Variants in RMI2 observed in about 807,000 individuals in gnomAD.
The protein encoded by RMI2 is RecQ mediated genome instability 2, also known as recQ-mediated genome instability protein 2.
A neutral mutation model predicts 8.4 loss-of-function variants in RMI2; 11 were observed. The ratio of observed to expected loss-of-function variants is 1.32; its 90% CI spans 0.83 to 2.18. RMI2 has a LOEUF of 2.18. Among genes scored for constraint, RMI2 ranks in the 30% most tolerant of loss-of-function variants. RMI2 has a pLI of 0.00. For synonymous variants in RMI2, 105 were observed against 93.8 expected, an observed-to-expected ratio of 1.12 and a Z score of -0.69; for missense variants, 253 against 207.5, an observed-to-expected ratio of 1.22 and a Z score of -1.35.
chr16:11,350,449 G>T (rs1268288764), intron 1 of RMI2, among the ~76,000 whole-genome samples, 193 bp from the exon 2 acceptor site: 1 of 152,126 alleles, frequency 6.6e-6, no homozygotes, highest in Non-Finnish European at 1.5e-5. Flanking sequence ...AATTAGCCAG[G>T]CATAGTGGCA....
chr16:11,351,119 A>G lies in RMI2; in HGVS notation c.*329A>G. ...CATGTTGCATTTTCCAAATTTTATG[A>G]GTGATGATACTTTTTCCATTACTGC... On this transcript the variant is annotated 3_prime_UTR_variant, in exon 2 of 2. Transcript: ENST00000312499. 1 of 257,722 alleles carries G rather than the reference A, an allele frequency of 3.9e-6. No individual in the cohort carries two copies. Among genetic ancestry groups the G allele is most frequent in the Non-Finnish European group, 7.5e-6 (1 of 134,122 alleles). 16.0% of individuals were successfully genotyped at this position (257,722 alleles called of 1,614,324 possible).
Position 11,350,800 on chromosome 16 carries a change from G to T in RMI2, c.*10G>T. The T allele has an allele frequency of 6.3e-7, 1 of 1,589,258 alleles. No homozygotes were observed. The highest frequency in any genetic ancestry group is 8.5e-7 in the Non-Finnish European group (1 of 1,171,174). The stretch of plus-strand genomic sequence containing the variant: ...CAGGAATATTCCTTAGAGTATGTTG[G>T]AACTGTCGTTAAAAACAACCAAAAT... On this transcript the variant is annotated 3_prime_UTR_variant, in exon 2 of 2. Coordinates refer to ENST00000312499, the MANE Select transcript of RMI2 (RefSeq NM_152308.3).
At chr16:11,345,954 G>C (rs1487954795) in intron 1 of RMI2, among the ~76,000 whole-genome samples, 188 bp downstream of exon 1, 2 of 152,234 alleles carry the variant, frequency 1.3e-5, no homozygotes, top group Non-Finnish European at 2.9e-5. Context: ...AAGTTGATCT[G>C]ATGATAAGCA....
chr16:11,346,553 G>A (rs573411242), intron 1 of RMI2, among the ~76,000 whole-genome samples: 43 of 152,176 alleles, frequency 2.8e-4, no homozygotes, highest in South Asian at 1.5e-3. Flanking sequence ...GAGCCGCTGC[G>A]CCCTGCCTGC....
In RMI2 at chr16:11,349,107, A is replaced by C. The variant is rs527803712; in HGVS notation, c.296-1535A>C. The stretch of plus-strand genomic sequence containing the variant: ...TGCTGAAGAGGCAGAGTTGAAGGAG[A>C]AGCTCTTCCTGCCCTCAAGCTGCTC... On this transcript the variant is annotated intron_variant, in intron 1 of 1. Coordinates refer to ENST00000312499, the MANE Select transcript of RMI2 (RefSeq NM_152308.3). The surrounding 1 kb of genome is among the most constrained non-coding windows in gnomAD (Gnocchi z 4.2). 1.4e-4 allele frequency: 22 copies of C among 152,306 alleles called. No individual in the cohort carries two copies. Among genetic ancestry groups the C allele is most frequent in the African/African-American group, 5.1e-4 (21 of 41,540 alleles). 9.4% of individuals were successfully genotyped at this position (152,306 alleles called of 1,614,324 possible).
chr16:11,349,718 C>G lies in RMI2; in HGVS notation c.296-924C>G, dbSNP rs1427494139. ...GGGTCAGCTTGCCTGGGGCTTCAGT[C>G]AAAGCCCCAGGCCCCACGTGCAGTG... On this transcript the variant is annotated intron_variant, in intron 1 of 1. Transcript: ENST00000312499. This position sits in a 1 kb window ranked among gnomAD's most constrained non-coding sequence, Gnocchi z 4.2. Among the ~76,000 whole-genome samples, 2 of 152,180 alleles carry G rather than the reference C, an allele frequency of 1.3e-5. No homozygotes were observed. The highest frequency in any genetic ancestry group is 4.8e-5 in the African/African-American group (2 of 41,440).
intron 1 of RMI2, among the ~76,000 whole-genome samples, chr16:11,346,341 C>G (rs2141211067): frequency 6.7e-6 from 1 of 150,354 alleles, no homozygotes; most frequent in South Asian, 2.1e-4. Context: ...CTTACTGCAG[C>G]CTCCACCTCC....
At position 11,351,367 on chromosome 16, in the gene RMI2, A is replaced by C. The variant is rs1457265962; in HGVS notation, c.*577A>C. 5 of 232,598 alleles carry C rather than the reference A, an allele frequency of 2.1e-5. No individual in the cohort carries two copies. The highest frequency in any genetic ancestry group is 3.4e-5 in the Non-Finnish European group (4 of 117,754). 14.4% of individuals were successfully genotyped at this position (232,598 alleles called of 1,614,324 possible). A position where few individuals can be genotyped will look rare whatever the true frequency, so the allele number is the denominator to read the frequency against. On this transcript the variant is annotated 3_prime_UTR_variant, in exon 2 of 2. Transcript: ENST00000312499. Reference sequence around the variant, plus strand: ...CAACAGCTCCCTTTCTGCTTCGGACACCACTCAAACATTTAGACGCAGCTC... The same window carrying C: ...CAACAGCTCCCTTTCTGCTTCGGACCCCACTCAAACATTTAGACGCAGCTC...
chr16:11,349,356 G>C lies in RMI2; in HGVS notation c.296-1286G>C, dbSNP rs1388741571. 2 of 152,476 alleles carry C rather than the reference G, an allele frequency of 1.3e-5. No individual in the cohort carries two copies. Among genetic ancestry groups the C allele is most frequent in the East Asian group, 1.9e-4 (1 of 5,198 alleles). 9.4% of individuals were successfully genotyped at this position (152,476 alleles called of 1,614,324 possible). A position where few individuals can be genotyped will look rare whatever the true frequency, so the allele number is the denominator to read the frequency against. ...GGAGAGGGAGAGACAGCGGAGAGCT[G>C]CTTTGGAGTGGGAGAGGGTGTGGGT... On this transcript the variant is annotated intron_variant, in intron 1 of 1. Transcript: ENST00000312499. This position sits in a 1 kb window ranked among gnomAD's most constrained non-coding sequence, Gnocchi z 4.2.
intron 1 of RMI2, among the ~76,000 whole-genome samples, chr16:11,350,016 G>A (rs36090551): frequency 3.3e-5 from 5 of 152,160 alleles, no homozygotes; most frequent in Admixed American, 2.0e-4. Context: ...ACAATGGGGC[G>A]GGGGGCTGCC....
In RMI2 at chr16:11,345,633, C is replaced by G; in HGVS notation, c.162C>G (p.Asp54Glu). 8.0e-7 allele frequency: 1 copy of G among 1,253,146 alleles called. No homozygotes were observed. Among genetic ancestry groups the G allele is most frequent in the Non-Finnish European group, 1.0e-6 (1 of 1,000,534 alleles). The allele number at this position is 1,253,146 out of a possible 1,614,324, so 77.6% of individuals were successfully genotyped here. Residue 54 changes from aspartate to glutamate, a missense_variant, in exon 1 of 2, where the codon GAC becomes GAG. Coordinates refer to ENST00000312499, the MANE Select transcript of RMI2 (RefSeq NM_152308.3). ...SRAAAGRGPL[D>E]LAAVWMQGRV... is the part of the protein sequence containing the mutation. Reference sequence around the variant, plus strand: ...CGGCGGCGGGCCGCGGGCCGCTGGACCTGGCGGCCGTGTGGATGCAGGGCA... The same window carrying G: ...CGGCGGCGGGCCGCGGGCCGCTGGAGCTGGCGGCCGTGTGGATGCAGGGCA...
rs2070966177 is a variant in RMI2 at position 11,351,164 on chromosome 16, G to A, written c.*374G>A. Reference sequence around the variant, plus strand: ...TACTGCTGCGTCCCTGTTTTACAATGCAAAATTTAAGTACGGTCGTTGCCC... The same window carrying A: ...TACTGCTGCGTCCCTGTTTTACAATACAAAATTTAAGTACGGTCGTTGCCC... On this transcript the variant is annotated 3_prime_UTR_variant, in exon 2 of 2. Coordinates refer to ENST00000312499, the MANE Select transcript of RMI2 (RefSeq NM_152308.3). The A allele has an allele frequency of 4.1e-6, 1 of 241,480 alleles. No homozygotes were observed. Among genetic ancestry groups the A allele is most frequent in the East Asian group, 6.0e-5 (1 of 16,658 alleles). 15.0% of individuals were successfully genotyped at this position (241,480 alleles called of 1,614,324 possible). A position where few individuals can be genotyped will look rare whatever the true frequency, so the allele number is the denominator to read the frequency against.
Position 11,345,466 on chromosome 16 carries a change from G to A in RMI2, c.-6G>A, listed in dbSNP as rs972897978. ...GAGGCGGGGCGGAAGGGTGCGGCGA[G>A]GCGGAATGGCGGCGGCTGCGGACTC... On this transcript the variant is annotated 5_prime_UTR_variant, in exon 1 of 2. Coordinates refer to ENST00000312499, the MANE Select transcript of RMI2 (RefSeq NM_152308.3). 3.1e-6 allele frequency: 4 copies of A among 1,301,118 alleles called. No homozygotes were observed. The highest frequency in any genetic ancestry group is 3.1e-5 in the East Asian group (1 of 32,160). The allele number at this position is 1,301,118 out of a possible 1,614,324, so 80.6% of individuals were successfully genotyped here. A position where few individuals can be genotyped will look rare whatever the true frequency, so the allele number is the denominator to read the frequency against.
Position 11,345,776 on chromosome 16 carries a change from G to A in RMI2, c.295+10G>A. ...CCCTGTCTAGTCCCAGGTAATGCCC[G>A]GGCCTTACCGGGCGCCCTCTTCCCT... On this transcript the variant is annotated intron_variant, in intron 1 of 1. Coordinates refer to ENST00000312499, the MANE Select transcript of RMI2 (RefSeq NM_152308.3). 1 of 1,233,146 alleles carries A rather than the reference G, an allele frequency of 8.1e-7. No individual in the cohort carries two copies. Among genetic ancestry groups the A allele is most frequent in the Non-Finnish European group, 1.0e-6 (1 of 988,394 alleles). The allele number at this position is 1,233,146 out of a possible 1,614,324, so 76.4% of individuals were successfully genotyped here.
In RMI2 at chr16:11,345,491, C is replaced by T. The variant is rs899441126; in HGVS notation, c.20C>T (p.Ser7Leu). The T allele has an allele frequency of 7.6e-6, 10 of 1,315,206 alleles. No homozygotes were observed. The African/African-American group carries it at 9.1e-5, about 12-fold the overall frequency. 81.5% of individuals were successfully genotyped at this position (1,315,206 alleles called of 1,614,324 possible). Residue 7 changes from serine to leucine, a missense_variant, in exon 1 of 2, where the codon TCG (serine) becomes TTG (leucine). By Grantham distance (145) the Ser-to-Leu change is moderately radical. Transcript: ENST00000312499. The part of the protein sequence containing the change: MAAAAD[S>L]FSGGPAGVRL... ...GGCGGAATGGCGGCGGCTGCGGACTCGTTCTCAGGCGGCCCCGCGGGGGTG... is the reference window on the plus strand; with the variant it reads ...GGCGGAATGGCGGCGGCTGCGGACTTGTTCTCAGGCGGCCCCGCGGGGGTG...
At chr16:11,347,212 G>A (rs1340921862) in intron 1 of RMI2, among the ~76,000 whole-genome samples, 20 of 152,220 alleles carry the variant, frequency 1.3e-4, no homozygotes. Flanking sequence ...GATGTGCAAG[G>A]TGCTGAGTGG....
At chr16:11,348,269 T>A (rs2070910954) in intron 1 of RMI2, 1 of 152,272 alleles carries the variant, frequency 6.6e-6, no homozygotes, top group South Asian at 2.1e-4. Context: ...AATATTTGTC[T>A]CGCCCTTTAC....
intron 1 of RMI2, among the ~76,000 whole-genome samples, chr16:11,350,061 G>A (rs1017139900): frequency 1.3e-5 from 2 of 152,166 alleles, no homozygotes; most frequent in Admixed American, 6.5e-5. Flanking sequence ...AGGGAAAATT[G>A]GATTGCTTAG....
chr16:11,349,987 A>T lies in RMI2; in HGVS notation c.296-655A>T, dbSNP rs1414109295. On this transcript the variant is annotated intron_variant, in intron 1 of 1. Coordinates refer to ENST00000312499, the MANE Select transcript of RMI2 (RefSeq NM_152308.3). The surrounding 1 kb of genome is among the most constrained non-coding windows in gnomAD (Gnocchi z 4.2). ...GTATGTGCTGGAGGAGGTGGCAGGG[A>T]TAGGTCCCAGCAGTTGGAACAATGG... Among the ~76,000 whole-genome samples the T allele has an allele frequency of 6.6e-6, 1 of 152,134 alleles. No individual in the cohort carries two copies. Among genetic ancestry groups the T allele is most frequent in the Non-Finnish European group, 1.5e-5 (1 of 68,020 alleles).
Sources: gnomAD v4.1 joint callset for allele counts (sites outside exome capture counted in the v4.1 genomes callset) on GRCh38, gnomAD v4.1.1 for gene constraint, Gnocchi (gnomAD v3.1) non-coding constraint, MANE v1.5 for transcripts, NCBI Gene and HGNC (gene_info 2026-07-23, HGNC 2026-07-21) for gene names.